The following PTPRN2 variants were observed in gnomAD, a reference collection of about 807,000 sequenced individuals.
PTPRN2 encodes protein tyrosine phosphatase receptor type N2, also known as receptor-type tyrosine-protein phosphatase N2.
In PTPRN2, 74 loss-of-function variants were observed where a neutral mutation model predicts 118.8. That is an observed-to-expected ratio of 0.62 (90% CI 0.52 to 0.76). The LOEUF (loss-of-function observed/expected upper bound fraction) is 0.76, where lower values mean the gene tolerates loss of function less well. Ranked by LOEUF, PTPRN2 falls within the 30% of genes least tolerant of loss-of-function variation. PTPRN2 has a pLI of 0.00. For missense variants in PTPRN2, 1,481 were observed against 1,394.4 expected (o/e 1.06, Z -0.99); for synonymous variants, 641 against 608.0 (o/e 1.05, Z -0.80).
intron 2 of PTPRN2, among the ~76,000 whole-genome samples, chr7:158,334,121 C>G (rs1392513177): frequency 2.0e-5 from 1 of 50,860 alleles, no homozygotes; most frequent in East Asian, 6.1e-4. Context: ...GTCACTCACA[C>G]CCACACTCTC....
intron 2 of PTPRN2, among the ~76,000 whole-genome samples, chr7:158,471,531 T>C (rs1195342969): frequency 1.3e-5 from 2 of 151,888 alleles, no homozygotes; most frequent in African/African-American, 4.8e-5. Context: ...CTACTAAAAA[T>C]ACAAAAATTA....
intron 11 of PTPRN2, among the ~76,000 whole-genome samples, chr7:158,080,528 T>C (rs1812735991): frequency 6.7e-6 from 1 of 150,136 alleles, no homozygotes; most frequent in South Asian, 2.1e-4. Context: ...GTATTTTTCT[T>C]ACTAGGCAGG....
chr7:157,971,907 C>T (rs1802360683), intron 11 of PTPRN2, among the ~76,000 whole-genome samples: 1 of 152,206 alleles, frequency 6.6e-6, no homozygotes, highest in Non-Finnish European at 1.5e-5. Flanking sequence ...ATATTAAACA[C>T]TCCAGTGAAA....
intron 12 of PTPRN2, among the ~76,000 whole-genome samples, chr7:157,810,687 G>A (rs1490668002): frequency 2.1e-5 from 3 of 142,866 alleles, no homozygotes; most frequent in African/African-American, 8.0e-5. Context: ...CGGGGACGGC[G>A]GGACTTCTGG....
At chr7:158,203,354 TATAACTC>T (rs1253861319) in intron 4 of PTPRN2, among the ~76,000 whole-genome samples, 1 of 151,966 alleles carries the variant, frequency 6.6e-6, no homozygotes, top group African/African-American at 2.4e-5. Context: ...TAATCTCACT[TATAACTC>T]ATAAAACAAA....
intron 11 of PTPRN2, among the ~76,000 whole-genome samples, chr7:158,072,180 C>A (rs1382028669): frequency 1.3e-5 from 2 of 151,898 alleles, no homozygotes; most frequent in Admixed American, 6.6e-5. Flanking sequence ...TGCTGACCAG[C>A]GTGCATTTAA....
intron 2 of PTPRN2, among the ~76,000 whole-genome samples, chr7:158,428,405 G>A (rs1179172524): frequency 6.6e-6 from 1 of 152,166 alleles, no homozygotes; most frequent in Non-Finnish European, 1.5e-5. Flanking sequence ...TTTAAACGAT[G>A]TGTGCCACCG....
chr7:157,898,775 G>A (rs750299342), intron 11 of PTPRN2, 38 bp from the exon 12 acceptor site: 22 of 1,534,632 alleles, frequency 1.4e-5, no homozygotes. Flanking sequence ...AGTCAGGTTG[G>A]AGAGGTCCTC....
At chr7:157,689,097 G>A (rs1416960112) in intron 12 of PTPRN2, among the ~76,000 whole-genome samples, 2 of 152,162 alleles carry the variant, frequency 1.3e-5, no homozygotes, top group Non-Finnish European at 2.9e-5. Context: ...CGGCGCAGCC[G>A]CCACCGCCGC....
intron 13 of PTPRN2, among the ~76,000 whole-genome samples, chr7:157,667,499 C>A (rs1796202080): frequency 6.6e-6 from 1 of 152,244 alleles, no homozygotes; most frequent in Non-Finnish European, 1.5e-5. Context: ...GAGCTGGGGG[C>A]CTCTGGCAGG....
intron 4 of PTPRN2, among the ~76,000 whole-genome samples, chr7:158,201,439 G>C (rs754682880): frequency 1.3e-5 from 2 of 151,998 alleles, no homozygotes; most frequent in Non-Finnish European, 2.9e-5. Flanking sequence ...TGAGACAAAG[G>C]GAAAAAATCA....
At chr7:158,292,565 T>C (rs557108403) in intron 3 of PTPRN2, among the ~76,000 whole-genome samples, 14 of 152,364 alleles carry the variant, frequency 9.2e-5, no homozygotes, top group Non-Finnish European at 1.9e-4. Flanking sequence ...TAGGTGATCC[T>C]GTCACTGTGC....
chr7:158,337,596 C>CGT (rs1805916130), intron 2 of PTPRN2, among the ~76,000 whole-genome samples: 2 of 100,538 alleles, frequency 2.0e-5, no homozygotes, highest in African/African-American at 3.5e-5. Context: ...ACGTCACTCA[C>CGT]ACCCACACTC....
chr7:157,759,709 T>C (rs1015061872), intron 12 of PTPRN2, among the ~76,000 whole-genome samples: 1 of 152,216 alleles, frequency 6.6e-6, no homozygotes, highest in Non-Finnish European at 1.5e-5. Flanking sequence ...ACTCATGACT[T>C]TGAGGCTTTA....
In PTPRN2 at chr7:158,509,794, A is replaced by C. The variant is rs1823043361; in HGVS notation, c.113-20009T>G. Among the ~76,000 whole-genome samples the C allele has an allele frequency of 6.6e-6, 1 of 152,206 alleles. No individual in the cohort carries two copies. The highest frequency in any genetic ancestry group is 1.5e-5 in the Non-Finnish European group (1 of 68,030). On this transcript the variant is annotated intron_variant, in intron 1 of 22. Transcript: ENST00000389418. This position sits in a 1 kb window ranked among gnomAD's most constrained non-coding sequence, Gnocchi z 4.4. Reference sequence around the variant, plus strand: ...GTGGCAGTGGAGGGCTGGCATGCACACAGAGGATGGTGACTTGCAGTGCTC... The same window carrying C: ...GTGGCAGTGGAGGGCTGGCATGCACCCAGAGGATGGTGACTTGCAGTGCTC...
At chr7:157,781,037 G>C (rs992797857) in intron 12 of PTPRN2, among the ~76,000 whole-genome samples, 1 of 152,044 alleles carries the variant, frequency 6.6e-6, no homozygotes, top group Non-Finnish European at 1.5e-5. Context: ...TCACACCCAC[G>C]TCACCCACAT....
intron 10 of PTPRN2, among the ~76,000 whole-genome samples, chr7:158,107,580 C>T (rs959780382): frequency 3.3e-5 from 5 of 152,178 alleles, no homozygotes; most frequent in African/African-American, 1.2e-4. Context: ...GGACTTCTGC[C>T]TGAGGCCCTA....
At chr7:158,295,453 C>T (rs60056389) in intron 3 of PTPRN2, among the ~76,000 whole-genome samples, 4 of 22,484 alleles carry the variant, frequency 1.8e-4, no homozygotes, top group African/African-American at 7.2e-4. Context: ...CCCACCTTTC[C>T]GAGGGTCTAA....
At chr7:157,757,668 T>C (rs1801874185) in intron 12 of PTPRN2, among the ~76,000 whole-genome samples, 1 of 146,770 alleles carries the variant, frequency 6.8e-6, no homozygotes, top group African/African-American at 2.7e-5. Flanking sequence ...GCTCACAAGA[T>C]ACAAGTTTTT....
Sources: allele counts gnomAD v4.1 joint callset (sites outside exome capture counted in the v4.1 genomes callset), GRCh38; gene constraint gnomAD v4.1.1; non-coding constraint Gnocchi (gnomAD v3.1); transcripts MANE v1.5; gene names NCBI Gene and HGNC (gene_info 2026-07-23, HGNC 2026-07-21).